The following RASSF6 variants were observed in gnomAD, a reference collection of about 807,000 sequenced individuals.
The protein encoded by RASSF6 is ras association domain-containing protein 6.
Under a neutral mutation model 44.0 loss-of-function variants are expected in RASSF6, and 52 were observed. The ratio of observed to expected loss-of-function variants is 1.18; its 90% confidence interval spans 0.95 to 1.49. The LOEUF (loss-of-function observed/expected upper bound fraction) is 1.49. Among genes scored for constraint, RASSF6 ranks in the 40% most tolerant of loss-of-function variants. The probability of loss-of-function intolerance (pLI) is 0.00; values close to 1 mark genes in which losing one functional copy is unlikely to be tolerated. For synonymous variants in RASSF6, 162 were observed against 124.6 expected, an observed-to-expected ratio of 1.30 and a Z score of -2.00; for missense variants, 464 against 393.3, an observed-to-expected ratio of 1.18 and a Z score of -1.52.
At chr4:73,601,954 G>A (rs539867056) in intron 2 of RASSF6, among the ~76,000 whole-genome samples, 2 of 152,192 alleles carry the variant, frequency 1.3e-5, no homozygotes, top group African/African-American at 2.4e-5. Context: ...CATGCTGGGA[G>A]GGTGGGTGAG....
In RASSF6 at chr4:73,576,099, C is replaced by CT. The variant is rs1231475281; in HGVS notation, c.*135dup. On this transcript the variant is annotated 3_prime_UTR_variant, in exon 11 of 11. Coordinates refer to ENST00000307439, the MANE Select transcript of RASSF6 (RefSeq NM_177532.5). ...CCTCATCACTTCAAAAAGAAATGAG[C>CT]TTTTTTTGACATTCAATTTTCTACG... 5.6e-6 allele frequency: 3 copies of CT among 540,300 alleles called. 1 individual carries two copies. In the South Asian group the frequency reaches 9.4e-5, roughly 17 times the overall value. The allele number at this position is 540,300 out of a possible 1,614,324, so 33.5% of individuals were successfully genotyped here.
intron 2 of RASSF6, among the ~76,000 whole-genome samples, chr4:73,607,399 C>A (rs1037564493): frequency 5.3e-5 from 8 of 152,184 alleles, no homozygotes; most frequent in Non-Finnish European, 1.2e-4. Context: ...GGATTTCTGG[C>A]AGATTTCCTG....
In RASSF6 at chr4:73,576,082, C is replaced by G. The variant is rs1723185475; in HGVS notation, c.*153G>C. ...CTGTGAACCCTAATTAACCTCATCACTTCAAAAAGAAATGAGCTTTTTTTG... is the reference window on the plus strand; with the variant it reads ...CTGTGAACCCTAATTAACCTCATCAGTTCAAAAAGAAATGAGCTTTTTTTG... On this transcript the variant is annotated 3_prime_UTR_variant, in exon 11 of 11. Coordinates refer to ENST00000307439, the MANE Select transcript of RASSF6 (RefSeq NM_177532.5). 1 of 526,586 alleles carries G rather than the reference C, an allele frequency of 1.9e-6. No individual in the cohort carries two copies. Among genetic ancestry groups the G allele is most frequent in the Admixed American group, 3.7e-5 (1 of 27,202 alleles). 32.6% of individuals were successfully genotyped at this position (526,586 alleles called of 1,614,324 possible).
chr4:73,620,281 T>C lies in RASSF6; in HGVS notation c.-35+7A>G, dbSNP rs1271827894. The C allele has an allele frequency of 2.1e-6, 3 of 1,407,336 alleles. No individual in the cohort carries two copies. The highest frequency in any genetic ancestry group is 1.8e-6 in the Non-Finnish European group (2 of 1,083,734). The allele number at this position is 1,407,336 out of a possible 1,614,324, so 87.2% of individuals were successfully genotyped here. A position where few individuals can be genotyped will look rare whatever the true frequency, so the allele number is the denominator to read the frequency against. On this transcript the variant is annotated splice_region_variant and intron_variant, in intron 1 of 10. Transcript: ENST00000307439. Reference sequence around the variant, plus strand: ...AGAAAGTTTTTTTCCCCATCCCCATTTTTTACCTGTTATTCACACTGTGAG... The same window carrying C: ...AGAAAGTTTTTTTCCCCATCCCCATCTTTTACCTGTTATTCACACTGTGAG...
At chr4:73,581,604 T>C (rs1723653771) in intron 8 of RASSF6, among the ~76,000 whole-genome samples, 1 of 152,192 alleles carries the variant, frequency 6.6e-6, no homozygotes, top group African/African-American at 2.4e-5. Flanking sequence ...AACTCTTTCA[T>C]ATAATCAACC....
chr4:73,594,945 TACATGGTAG>T (rs1724829325), intron 3 of RASSF6, among the ~76,000 whole-genome samples: 1 of 152,228 alleles, frequency 6.6e-6, no homozygotes, highest in South Asian at 2.1e-4. Flanking sequence ...TGGTGTCTGG[TACATGGTAG>T]ACATTCAATA....
At chr4:73,585,740 GA>G (rs1317554466) in intron 5 of RASSF6, among the ~76,000 whole-genome samples, 18 of 151,946 alleles carry the variant, frequency 1.2e-4, no homozygotes, top group Non-Finnish European at 2.4e-4. Flanking sequence ...TTACAGGTAA[GA>G]AAAAGTACAG....
intron 2 of RASSF6, among the ~76,000 whole-genome samples, chr4:73,609,592 CTTAACTA>C (rs947967908): frequency 2.0e-5 from 3 of 152,168 alleles, no homozygotes; most frequent in African/African-American, 7.2e-5. Flanking sequence ...GAAGATTCTG[CTTAACTA>C]TTAATTTCCA....
rs1211427959 is a variant in RASSF6, at chr4:73,575,044, G to A, written c.*1191C>T. The A allele has an allele frequency of 6.6e-6, 1 of 152,156 alleles. No individual in the cohort carries two copies. Among genetic ancestry groups the A allele is most frequent in the South Asian group, 2.1e-4 (1 of 4,818 alleles). The allele number at this position is 152,156 out of a possible 1,614,324, so 9.4% of individuals were successfully genotyped here. A position where few individuals can be genotyped will look rare whatever the true frequency, so the allele number is the denominator to read the frequency against. On this transcript the variant is annotated 3_prime_UTR_variant, in exon 11 of 11. Transcript: ENST00000307439. ...CACACTTTCACCTTCAACCAGTTTA[G>A]GTTTGGTAATACTGAGAAGTAATGC...
intron 2 of RASSF6, among the ~76,000 whole-genome samples, chr4:73,606,639 GTTTTTT>G (rs11284857): frequency 0.5 from 74,057 of 149,174 alleles, 18,488 homozygotes; most frequent in East Asian, 0.68. Context: ...AAGCCTTATA[GTTTTTT>G]TTTTTTTTTT....
chr4:73,584,404 AATG>A (rs1425583867), intron 6 of RASSF6, among the ~76,000 whole-genome samples: 2 of 152,156 alleles, frequency 1.3e-5, no homozygotes, highest in Non-Finnish European at 2.9e-5. Context: ...TCTGGAAAAA[AATG>A]ATGATATATT....
chr4:73,601,073 C>T (rs915975266), intron 2 of RASSF6, among the ~76,000 whole-genome samples: 1 of 152,136 alleles, frequency 6.6e-6, no homozygotes. Flanking sequence ...AATCTTATTC[C>T]CTCAGCTTCT....
At chr4:73,609,957 T>C (rs143480152) in intron 2 of RASSF6, among the ~76,000 whole-genome samples, 3 of 152,152 alleles carry the variant, frequency 2.0e-5, no homozygotes, top group African/African-American at 7.2e-5. Context: ...AGTTCTGGGG[T>C]GAAGCCAAGG....
rs1723020728 is a variant in RASSF6 at position 73,573,367 on chromosome 4, A to T, written c.*2868T>A. 1 of 152,206 alleles carries T rather than the reference A, an allele frequency of 6.6e-6. No homozygotes were observed. Among genetic ancestry groups the T allele is most frequent in the South Asian group, 2.1e-4 (1 of 4,826 alleles). The allele number at this position is 152,206 out of a possible 1,614,324, so 9.4% of individuals were successfully genotyped here. On this transcript the variant is annotated 3_prime_UTR_variant, in exon 11 of 11. Transcript: ENST00000307439. ...GGTCTCGAAATCCCAACCTCAAGTGATCCACCTACCTTGGCCTCCTAAAGT... is the reference window on the plus strand; with the variant it reads ...GGTCTCGAAATCCCAACCTCAAGTGTTCCACCTACCTTGGCCTCCTAAAGT...
Position 73,576,161 on chromosome 4 carries a change from C to T in RASSF6, c.*74G>A. The T allele has an allele frequency of 1.3e-6, 1 of 774,322 alleles. No homozygotes were observed. Among genetic ancestry groups the T allele is most frequent in the Non-Finnish European group, 2.1e-6 (1 of 472,850 alleles). 48.0% of individuals were successfully genotyped at this position (774,322 alleles called of 1,614,324 possible). A position where few individuals can be genotyped will look rare whatever the true frequency, so the allele number is the denominator to read the frequency against. ...ATATATGTTCGTATAAATGCAAGTA[C>T]AGAACTTATGCATTCATCAAAGAGT... On this transcript the variant is annotated 3_prime_UTR_variant, in exon 11 of 11. Transcript: ENST00000307439.
chr4:73,579,670 T>G (rs1291976154), intron 8 of RASSF6, among the ~76,000 whole-genome samples: 1 of 152,134 alleles, frequency 6.6e-6, no homozygotes, highest in African/African-American at 2.4e-5. Context: ...AAATTATTGG[T>G]ATTATAGTTA....
intron 8 of RASSF6, among the ~76,000 whole-genome samples, chr4:73,577,383 G>C (rs768664375): frequency 1.4e-4 from 21 of 152,132 alleles, no homozygotes; most frequent in Non-Finnish European, 2.2e-4. Flanking sequence ...ATAGCTTTCT[G>C]TCAAAGTAGT....
At chr4:73,613,465 G>A (rs1238797900) in intron 1 of RASSF6, among the ~76,000 whole-genome samples, 1 of 152,114 alleles carries the variant, frequency 6.6e-6, no homozygotes, top group Non-Finnish European at 1.5e-5. Context: ...CCTGGATTTT[G>A]TCATTCTAAT....
At position 73,572,648 on chromosome 4, in the gene RASSF6, A is replaced by G. The variant is rs1033314454; in HGVS notation, c.*3587T>C. The G allele has an allele frequency of 3.3e-5, 5 of 152,226 alleles. No homozygotes were observed. The highest frequency in any genetic ancestry group is 1.2e-4 in the African/African-American group (5 of 41,468). 9.4% of individuals were successfully genotyped at this position (152,226 alleles called of 1,614,324 possible). On this transcript the variant is annotated 3_prime_UTR_variant, in exon 11 of 11. Coordinates refer to ENST00000307439, the MANE Select transcript of RASSF6 (RefSeq NM_177532.5). ...AATCAGACTTTATGGATATAAAACT[A>G]CCACAGAAGTGATGTTAATGTCTCA...
Sources: gnomAD v4.1 joint callset for allele counts (sites outside exome capture counted in the v4.1 genomes callset) on GRCh38, gnomAD v4.1.1 for gene constraint, MANE v1.5 for transcripts, NCBI Gene and HGNC (gene_info 2026-07-23, HGNC 2026-07-21) for gene names.